The following DHRSX variants were observed in gnomAD, a reference collection of about 807,000 sequenced individuals.
DHRSX encodes the protein dehydrogenase/reductase X-linked, also known as polyprenol dehydrogenase.
Under a neutral mutation model 34.0 loss-of-function variants are expected in DHRSX, and 31 were observed. The observed-to-expected ratio is 0.91, with a 90% CI of 0.69 to 1.23. The LOEUF (loss-of-function observed/expected upper bound fraction) is 1.23. Ranked by LOEUF, DHRSX falls within the 50% of genes most tolerant of loss-of-function variation. The pLI is 0.00. For synonymous variants in DHRSX, 201 were observed against 183.8 expected (o/e 1.09, Z -0.76); for missense variants, 414 against 428.1 (o/e 0.97, Z 0.29).
At chrX:2,287,674 C>T (rs781275958) in intron 4 of DHRSX, among the ~76,000 whole-genome samples, 4 of 150,094 alleles carry the variant, frequency 2.7e-5, no homozygotes, top group Non-Finnish European at 3.0e-5. Context: ...ATGTGGAAGC[C>T]GAACAATGGC....
intron 3 of DHRSX, among the ~76,000 whole-genome samples, chrX:2,404,789 G>T (rs187472881): frequency 1.3e-5 from 2 of 151,394 alleles, no homozygotes; most frequent in East Asian, 3.9e-4. Context: ...TTCAAAACTC[G>T]GTCCTTTAAA....
At chrX:2,493,921 G>A (rs1393135705) in intron 1 of DHRSX, among the ~76,000 whole-genome samples, 1 of 152,082 alleles carries the variant, frequency 6.6e-6, no homozygotes, top group Non-Finnish European at 1.5e-5. Context: ...GCAGTGAGCC[G>A]AGATGGCGCC....
chrX:2,347,153 G>C (rs943171057), intron 3 of DHRSX, among the ~76,000 whole-genome samples: 1 of 152,160 alleles, frequency 6.6e-6, no homozygotes, highest in Non-Finnish European at 1.5e-5. Flanking sequence ...GAAAAGAAAG[G>C]TTTAACTGGA....
intron 6 of DHRSX, among the ~76,000 whole-genome samples, chrX:2,233,637 T>C (rs1441678951): frequency 6.6e-6 from 1 of 152,126 alleles, no homozygotes; most frequent in Non-Finnish European, 1.5e-5. Context: ...GTCCAATGAA[T>C]GTTTATTAAA....
chrX:2,477,453 T>C (rs999417782), intron 1 of DHRSX, among the ~76,000 whole-genome samples: 4 of 152,074 alleles, frequency 2.6e-5, no homozygotes, highest in Admixed American at 6.6e-5. Context: ...GACAGGAATA[T>C]TGTAACAGGG....
chrX:2,433,105 G>GACACTAT (rs951207495), intron 1 of DHRSX, among the ~76,000 whole-genome samples: 63 of 151,756 alleles, frequency 4.2e-4, no homozygotes, highest in African/African-American at 1.4e-3. Context: ...GGAGGAACAA[G>GACACTAT]ACACTATCTC....
intron 4 of DHRSX, among the ~76,000 whole-genome samples, chrX:2,277,047 G>A (rs111162445): frequency 3.4e-3 from 216 of 63,320 alleles, no homozygotes; most frequent in Non-Finnish European, 5.1e-3. Context: ...AGGGAGAGAG[G>A]AGGAGAGGGA....
At chrX:2,442,232 C>T (rs993497722) in intron 1 of DHRSX, among the ~76,000 whole-genome samples, 1 of 150,886 alleles carries the variant, frequency 6.6e-6, no homozygotes, top group Non-Finnish European at 1.5e-5. Context: ...GTGGATCATC[C>T]TAAAGGTCTC....
At chrX:2,389,114 A>G (rs2043305653) in intron 3 of DHRSX, among the ~76,000 whole-genome samples, 1 of 152,198 alleles carries the variant, frequency 6.6e-6, no homozygotes, top group Non-Finnish European at 1.5e-5. Flanking sequence ...GGACCAGAGC[A>G]TTAGAAGCGC....
At chrX:2,410,442 T>C (rs934286103) in intron 2 of DHRSX, among the ~76,000 whole-genome samples, 1 of 152,182 alleles carries the variant, frequency 6.6e-6, no homozygotes, top group African/African-American at 2.4e-5. Context: ...CCATCCTACC[T>C]GCACCCAGCC....
At chrX:2,458,445 C>T (rs539370132) in intron 1 of DHRSX, among the ~76,000 whole-genome samples, 2 of 152,214 alleles carry the variant, frequency 1.3e-5, no homozygotes, top group African/African-American at 4.8e-5. Context: ...GTTCAATCAA[C>T]AGATAAGTGC....
At chrX:2,431,812 C>G (rs2043927109) in intron 1 of DHRSX, among the ~76,000 whole-genome samples, 1 of 152,072 alleles carries the variant, frequency 6.6e-6, no homozygotes, top group Non-Finnish European at 1.5e-5. Context: ...GTGCTGACTA[C>G]CTGGGTGACG....
chrX:2,329,011 G>GT (rs2042424546), intron 3 of DHRSX, among the ~76,000 whole-genome samples: 1 of 152,174 alleles, frequency 6.6e-6, no homozygotes, highest in Non-Finnish European at 1.5e-5. Context: ...AGAGAGACAT[G>GT]TTGTCTTCTC....
chrX:2,334,396 C>T (rs1456588126), intron 3 of DHRSX: 1 of 151,906 alleles, frequency 6.6e-6, no homozygotes, highest in African/African-American at 2.4e-5. Flanking sequence ...AACTCCTGAC[C>T]TCAGGTGATT....
intron 3 of DHRSX, among the ~76,000 whole-genome samples, chrX:2,298,761 G>A (rs377209499): frequency 6.6e-5 from 10 of 151,918 alleles, no homozygotes; most frequent in East Asian, 5.8e-4. Flanking sequence ...CGAGGCGGGC[G>A]GATCACCTGA....
At chrX:2,287,276 T>C (rs192259607) in intron 4 of DHRSX, among the ~76,000 whole-genome samples, 1 of 152,280 alleles carries the variant, frequency 6.6e-6, no homozygotes, top group Non-Finnish European at 1.5e-5. Flanking sequence ...AATCCCCATG[T>C]GGGAGACACA....
chrX:2,338,021 A>AAAAGG (rs2042591592), intron 3 of DHRSX: 1 of 146,232 alleles, frequency 6.8e-6, no homozygotes, highest in Non-Finnish European at 1.5e-5. Flanking sequence ...AAAAAAAAAA[A>AAAAGG]GCTGGAATCA....
At chrX:2,271,118 A>G (rs1437278888) in intron 4 of DHRSX, among the ~76,000 whole-genome samples, 2 of 152,172 alleles carry the variant, frequency 1.3e-5, no homozygotes, top group Admixed American at 6.5e-5. Context: ...TTGGGTCTAC[A>G]CTACCTGTAT....
chrX:2,459,768 G>T (rs1218202982), intron 1 of DHRSX, among the ~76,000 whole-genome samples: 109 of 151,998 alleles, frequency 7.2e-4, no homozygotes, highest in Non-Finnish European at 7.4e-5. Flanking sequence ...ATGTTCCAAG[G>T]GGCTCCAAGT....
Sources: allele counts gnomAD v4.1 joint callset (sites outside exome capture counted in the v4.1 genomes callset), GRCh38; gene constraint gnomAD v4.1.1; transcripts MANE v1.5; gene names NCBI Gene and HGNC (gene_info 2026-07-23, HGNC 2026-07-21).